Variants in GAREM1 observed in about 807,000 individuals in gnomAD.
GAREM1 encodes the protein GRB2-associated and regulator of MAPK protein 1.
In GAREM1, 26 loss-of-function variants were observed where a neutral mutation model predicts 71.3. The ratio of observed to expected loss-of-function variants is 0.36; its 90% CI spans 0.27 to 0.51. The LOEUF (loss-of-function observed/expected upper bound fraction) is 0.51. Ranked by LOEUF, GAREM1 falls within the 20% of genes least tolerant of loss-of-function variation. GAREM1 has a pLI of 0.95. For synonymous variants in GAREM1, 440 were observed against 433.2 expected, an observed-to-expected ratio of 1.02 and a Z score of -0.20; for missense variants, 1,026 against 1,103.1, an observed-to-expected ratio of 0.93 and a Z score of 0.99.
chr18:32,365,854 G>T (rs2047924606), intron 2 of GAREM1, among the ~76,000 whole-genome samples: 2 of 152,178 alleles, frequency 1.3e-5, no homozygotes, highest in South Asian at 4.1e-4. Flanking sequence ...ACTTCTGGAG[G>T]TAATACATTT....
chr18:32,422,236 G>A (rs148986502), intron 1 of GAREM1, among the ~76,000 whole-genome samples: 2,434 of 152,088 alleles, frequency 0.016, 77 homozygotes, highest in African/African-American at 0.056. Flanking sequence ...GAGAACATGC[G>A]GTGTTTGGTT....
chr18:32,352,260 C>T (rs1461842134), intron 2 of GAREM1, among the ~76,000 whole-genome samples: 1 of 152,108 alleles, frequency 6.6e-6, no homozygotes, highest in African/African-American at 2.4e-5. Context: ...TCAGATCAGC[C>T]CACAAAACTG....
chr18:32,349,068 T>C (rs59676860), intron 2 of GAREM1, among the ~76,000 whole-genome samples: 13,199 of 152,254 alleles, frequency 0.087, 956 homozygotes, highest in African/African-American at 0.2. Flanking sequence ...AGTCAGACTA[T>C]ATGATTTTCA....
intron 2 of GAREM1, among the ~76,000 whole-genome samples, chr18:32,315,030 A>G (rs1567961250): frequency 6.6e-6 from 1 of 152,152 alleles, no homozygotes; most frequent in Non-Finnish European, 1.5e-5. Context: ...TTTTATGATG[A>G]GTATTTTAGA....
chr18:32,436,147 T>C (rs182520729), intron 1 of GAREM1, among the ~76,000 whole-genome samples: 49 of 152,276 alleles, frequency 3.2e-4, no homozygotes, highest in Admixed American at 3.0e-3. Flanking sequence ...CTGATTAAGT[T>C]GTTAAAAGAT....
intron 2 of GAREM1, among the ~76,000 whole-genome samples, chr18:32,359,344 T>C (rs2047838660): frequency 6.6e-6 from 1 of 152,166 alleles, no homozygotes; most frequent in South Asian, 2.1e-4. Context: ...TCTACTGATT[T>C]TCCATTATGT....
chr18:32,408,350 T>A (rs999072032), intron 1 of GAREM1, among the ~76,000 whole-genome samples: 1 of 152,218 alleles, frequency 6.6e-6, no homozygotes, highest in African/African-American at 2.4e-5. Context: ...TAAATTCGTA[T>A]ATATTATATG....
At chr18:32,447,543 A>G (rs2048796553) in intron 1 of GAREM1, among the ~76,000 whole-genome samples, 1 of 152,164 alleles carries the variant, frequency 6.6e-6, no homozygotes, top group Non-Finnish European at 1.5e-5. Flanking sequence ...ACATTTTCTT[A>G]TCGCATCATA....
At chr18:32,268,812 G>C (rs751957034) in intron 5 of GAREM1, 44 bp from the exon 6 acceptor site, 3 of 1,540,862 alleles carry the variant, frequency 1.9e-6, no homozygotes, top group Non-Finnish European at 2.7e-6. Context: ...AAAGAAAAAA[G>C]CCAAATCCCA....
At chr18:32,331,671 A>C (rs1245348063) in intron 2 of GAREM1, 7 of 152,196 alleles carry the variant, frequency 4.6e-5, no homozygotes, top group African/African-American at 1.4e-4. Context: ...GAACGCATCT[A>C]TAACAAGTTC....
intron 1 of GAREM1, among the ~76,000 whole-genome samples, chr18:32,453,336 C>T (rs1323988681): frequency 3.3e-5 from 5 of 152,116 alleles, no homozygotes; most frequent in African/African-American, 1.2e-4. Context: ...GGCGGGGACA[C>T]AGCCAAACCA....
Position 32,287,023 on chromosome 18 carries a change from T to A in GAREM1, c.1566+8A>T. The A allele has an allele frequency of 6.3e-7, 1 of 1,598,336 alleles. No individual in the cohort carries two copies. Among genetic ancestry groups the A allele is most frequent in the Non-Finnish European group, 8.6e-7 (1 of 1,168,212 alleles). On this transcript the variant is annotated splice_region_variant and intron_variant, in intron 4 of 5. Transcript: ENST00000269209. The surrounding 1 kb of genome is among the most constrained non-coding windows in gnomAD (Gnocchi z 5.9). ...CTGGCACCGCATTCAAAAACAGAAA[T>A]GACTTACGGCTTCAGATTTGGGAGG...
In GAREM1 at chr18:32,270,212, C is replaced by T. The variant is rs1187688069; in HGVS notation, c.1733+5G>A. ...CGTGCAGTGGGACCTGGCAGGAAGACTTACATGTTGTGTAGCCCTGAAGAA... is the reference window on the plus strand; with the variant it reads ...CGTGCAGTGGGACCTGGCAGGAAGATTTACATGTTGTGTAGCCCTGAAGAA... On this transcript the variant is annotated splice_donor_5th_base_variant and intron_variant, in intron 5 of 5. Coordinates refer to ENST00000269209, the MANE Select transcript of GAREM1 (RefSeq NM_001242409.2). 1 of 1,613,594 alleles carries T rather than the reference C, an allele frequency of 6.2e-7. No individual in the cohort carries two copies. The highest frequency in any genetic ancestry group is 8.5e-7 in the Non-Finnish European group (1 of 1,179,826).
Position 32,424,586 on chromosome 18 carries a change from C to CA in GAREM1, c.122-31552dup, listed in dbSNP as rs1004139299. On this transcript the variant is annotated intron_variant, in intron 1 of 5. Coordinates refer to ENST00000269209, the MANE Select transcript of GAREM1 (RefSeq NM_001242409.2). The stretch of plus-strand genomic sequence containing the variant: ...ACCAACAAGGCAAAAAACCAAACAA[C>CA]AAAAAAAACTGGATTCTGAAATAGC... Among the ~76,000 whole-genome samples the CA allele has an allele frequency of 5.3e-5, 8 of 151,466 alleles. No individual in the cohort carries two copies. In the South Asian group the frequency reaches 8.4e-4, roughly 16 times the overall value.
intron 2 of GAREM1, among the ~76,000 whole-genome samples, chr18:32,346,683 C>T (rs2047700336): frequency 1.3e-5 from 2 of 152,178 alleles, no homozygotes; most frequent in Admixed American, 1.3e-4. Context: ...TGAATTACTA[C>T]TCCTAGTTGT....
intron 1 of GAREM1, among the ~76,000 whole-genome samples, chr18:32,393,244 T>C (rs1018609507): frequency 1.3e-5 from 2 of 151,300 alleles, no homozygotes; most frequent in Non-Finnish European, 2.9e-5. Context: ...TAGAAGTCCA[T>C]AAAAAATGTT....
intron 1 of GAREM1, among the ~76,000 whole-genome samples, chr18:32,409,873 T>C (rs546494005): frequency 6.6e-6 from 1 of 152,268 alleles, no homozygotes; most frequent in South Asian, 2.1e-4. Context: ...AGGCCTGACA[T>C]ATACCATGGA....
chr18:32,421,869 A>T (rs947352285), intron 1 of GAREM1, among the ~76,000 whole-genome samples: 4 of 152,158 alleles, frequency 2.6e-5, no homozygotes, highest in African/African-American at 9.7e-5. Flanking sequence ...TTTCCAGCAC[A>T]TCATCCTCTT....
intron 1 of GAREM1, among the ~76,000 whole-genome samples, chr18:32,451,172 C>G (rs2048834867): frequency 6.6e-6 from 1 of 151,942 alleles, no homozygotes; most frequent in East Asian, 1.9e-4. Context: ...AGAATGAAAA[C>G]AATCATGGAA....
Sources: gnomAD v4.1 joint callset for allele counts (sites outside exome capture counted in the v4.1 genomes callset) on GRCh38, gnomAD v4.1.1 for gene constraint, Gnocchi (gnomAD v3.1) non-coding constraint, MANE v1.5 for transcripts, NCBI Gene and HGNC (gene_info 2026-07-23, HGNC 2026-07-21) for gene names.